Variants in PCDHGA9 observed in about 807,000 individuals in gnomAD.
The protein encoded by PCDHGA9 is protocadherin gamma subfamily A, 9, also known as protocadherin gamma-A9.
Under a neutral mutation model 62.5 loss-of-function variants are expected in PCDHGA9, and 37 were observed. The ratio of observed to expected loss-of-function variants is 0.59; its 90% CI spans 0.46 to 0.78. PCDHGA9 has a LOEUF of 0.78. PCDHGA9 is among the 30% of genes least tolerant of loss of function. PCDHGA9 has a pLI of 0.00. For missense variants in PCDHGA9, 1,138 were observed against 1,166.2 expected, an observed-to-expected ratio of 0.98 and a Z score of 0.35; for synonymous variants, 459 against 484.6, an observed-to-expected ratio of 0.95 and a Z score of 0.69.
chr5:141,506,061 G>A (rs1260513343), intron 3 of PCDHGA9, among the ~76,000 whole-genome samples: 2 of 152,144 alleles, frequency 1.3e-5, no homozygotes, highest in Non-Finnish European at 2.9e-5. Flanking sequence ...GGTTGACTAA[G>A]GGCTTCCTTT....
chr5:141,409,183 C>G (rs1217234895), intron 1 of PCDHGA9: 6 of 1,614,028 alleles, frequency 3.7e-6, no homozygotes, highest in Non-Finnish European at 5.1e-6. Context: ...GAGGTGGTCT[C>G]TCTACCCAGT....
chr5:141,414,310 G>C, intron 1 of PCDHGA9: 1 of 1,613,722 alleles, frequency 6.2e-7, no homozygotes, highest in Non-Finnish European at 8.5e-7. Context: ...GCATGATTTA[G>C]ACTCTGAGCA....
chr5:141,419,591 G>A lies in PCDHGA9; in HGVS notation c.2424+14215G>A, dbSNP rs574335266. The A allele has an allele frequency of 2.2e-5, 35 of 1,611,826 alleles. No individual in the cohort carries two copies. The African/African-American group carries it at 4.0e-4, about 18-fold the overall frequency. On this transcript the variant is annotated intron_variant, in intron 1 of 3. Coordinates refer to ENST00000573521, the MANE Select transcript of PCDHGA9 (RefSeq NM_018921.3). ...CGACGGCTCCGCGCTCTTCGACACA[G>A]TGCCGCGGGCCGCGCAGCCAGGCTA...
intron 2 of PCDHGA9, among the ~76,000 whole-genome samples, chr5:141,502,067 CCTTCACCTGGGG>C (rs1307097799): frequency 6.6e-6 from 1 of 152,172 alleles, no homozygotes; most frequent in Non-Finnish European, 1.5e-5. Flanking sequence ...CCATTAGCCC[CCTTCACCTGGGG>C]CTGAGAACAC....
chr5:141,408,904 T>C (rs779095615), intron 1 of PCDHGA9: 14 of 1,613,246 alleles, frequency 8.7e-6, no homozygotes, highest in Admixed American at 3.3e-5. Flanking sequence ...CTGTCAAGGA[T>C]ACCAATGATA....
chr5:141,413,575 G>A lies in PCDHGA9; in HGVS notation c.2424+8199G>A, dbSNP rs762938003. The stretch of plus-strand genomic sequence containing the variant: ...AGAAGTAACTGATATCAATGACAAT[G>A]CTCCAAAATTCCAAGCAGAAAATCT... On this transcript the variant is annotated intron_variant, in intron 1 of 3. Transcript: ENST00000573521. 4.3e-6 allele frequency: 7 copies of A among 1,613,886 alleles called. No individual in the cohort carries two copies. In the South Asian group the frequency reaches 6.6e-5, roughly 15 times the overall value.
chr5:141,464,707 A>G (rs1052234067), intron 1 of PCDHGA9, among the ~76,000 whole-genome samples: 13 of 152,112 alleles, frequency 8.5e-5, no homozygotes, highest in African/African-American at 3.1e-4. Flanking sequence ...ATGAGGTTAA[A>G]TAGTTTTTCA....
intron 1 of PCDHGA9, among the ~76,000 whole-genome samples, chr5:141,494,341 G>C (rs565090556): frequency 9.2e-5 from 14 of 152,352 alleles, no homozygotes; most frequent in Admixed American, 9.1e-4. Context: ...ACCAAGAACA[G>C]CAGCCATCTT....
rs1374094845 is a variant in PCDHGA9, at chr5:141,476,576, T to A, written c.2425-18231T>A. On this transcript the variant is annotated intron_variant, in intron 1 of 3. Coordinates refer to ENST00000573521, the MANE Select transcript of PCDHGA9 (RefSeq NM_018921.3). The surrounding 1 kb of genome is among the most constrained non-coding windows in gnomAD (Gnocchi z 7.6). Reference sequence around the variant, plus strand: ...CGAGGCCGTGGCTCCGGGGACGCGCTTTCCGCTCGAGAGCGCGCACGATCC... The same window carrying A: ...CGAGGCCGTGGCTCCGGGGACGCGCATTCCGCTCGAGAGCGCGCACGATCC... 3 of 1,614,102 alleles carry A rather than the reference T, an allele frequency of 1.9e-6. No individual in the cohort carries two copies. Among genetic ancestry groups the A allele is most frequent in the Middle Eastern group, 1.6e-4 (1 of 6,084 alleles).
intron 1 of PCDHGA9, chr5:141,413,494 G>C: frequency 6.2e-7 from 1 of 1,614,042 alleles, no homozygotes; most frequent in Non-Finnish European, 8.5e-7. Flanking sequence ...CGCGCGGTGC[G>C]TGGTGAGTTT....
At chr5:141,461,409 A>G (rs572412049) in intron 1 of PCDHGA9, among the ~76,000 whole-genome samples, 1 of 151,928 alleles carries the variant, frequency 6.6e-6, no homozygotes, top group East Asian at 1.9e-4. Flanking sequence ...GCATTTTTTC[A>G]TATGTTTGTG....
chr5:141,466,510 A>AT (rs1222513096), intron 1 of PCDHGA9, among the ~76,000 whole-genome samples: 1 of 151,938 alleles, frequency 6.6e-6, no homozygotes, highest in African/African-American at 2.4e-5. Context: ...AGACAAGATC[A>AT]TTTTTTTTCC....
intron 1 of PCDHGA9, chr5:141,405,635 C>T (rs539370352): frequency 1.3e-4 from 69 of 526,234 alleles, no homozygotes; most frequent in Non-Finnish European, 1.9e-4. Context: ...CCACCACGCC[C>T]GGCTAATTTT....
chr5:141,466,686 T>G (rs112499949), intron 1 of PCDHGA9, among the ~76,000 whole-genome samples: 2 of 152,352 alleles, frequency 1.3e-5, no homozygotes, highest in African/African-American at 4.8e-5. Flanking sequence ...CCACTCAAGC[T>G]TCATCATAAA....
chr5:141,415,432 T>G, intron 1 of PCDHGA9: 1 of 1,614,222 alleles, frequency 6.2e-7, no homozygotes, highest in East Asian at 2.2e-5. Flanking sequence ...GGTTCGGGCT[T>G]TCCTGCAGAC....
intron 1 of PCDHGA9, among the ~76,000 whole-genome samples, chr5:141,480,839 G>A (rs1397361640): frequency 6.6e-6 from 1 of 152,196 alleles, no homozygotes; most frequent in Non-Finnish European, 1.5e-5. Context: ...AAGATCAGGA[G>A]TTTGAGACCA....
chr5:141,498,971 G>GGGAA (rs201769957), intron 2 of PCDHGA9, among the ~76,000 whole-genome samples: 8,226 of 110,874 alleles, frequency 0.074, 335 homozygotes, highest in Middle Eastern at 0.11. Flanking sequence ...GAGGGAGGGA[G>GGGAA]GGAAGGAAGG....
chr5:141,479,733 A>G (rs2099504879), intron 1 of PCDHGA9: 1 of 152,254 alleles, frequency 6.6e-6, no homozygotes, highest in Admixed American at 6.5e-5. Context: ...TTTCTTAAGT[A>G]TATGCACAAT....
intron 2 of PCDHGA9, among the ~76,000 whole-genome samples, chr5:141,502,165 T>C (rs1017904375): frequency 1.8e-4 from 28 of 152,196 alleles, no homozygotes; most frequent in African/African-American, 6.3e-4. Context: ...AGATATTCAG[T>C]TGAGGAATTT....
Sources: gnomAD v4.1 joint callset for allele counts (sites outside exome capture counted in the v4.1 genomes callset) on GRCh38, gnomAD v4.1.1 for gene constraint, Gnocchi (gnomAD v3.1) non-coding constraint, MANE v1.5 for transcripts, NCBI Gene and HGNC (gene_info 2026-07-23, HGNC 2026-07-21) for gene names.